The following LRRC7 variants were observed in gnomAD, a reference collection of about 807,000 sequenced individuals.
LRRC7 encodes leucine-rich repeat-containing protein 7.
LRRC7 carries 23 observed loss-of-function variants against 175.7 expected under a neutral mutation model. The observed-to-expected ratio is 0.13, with a 90% CI of 0.09 to 0.19. LRRC7 has a LOEUF of 0.19. Among genes scored for constraint, LRRC7 ranks in the 10% least tolerant of loss-of-function variants. LRRC7 has a pLI of 1.00. For synonymous variants in LRRC7, 685 were observed against 680.9 expected (o/e 1.01, Z -0.09); for missense variants, 1,354 against 1,904.7 (o/e 0.71, Z 5.38).
intron 7 of LRRC7, among the ~76,000 whole-genome samples, chr1:69,887,933 G>T: frequency 6.9e-6 from 1 of 144,070 alleles, no homozygotes; most frequent in Non-Finnish European, 1.5e-5. Flanking sequence ...GCTGCTCAGG[G>T]GTCAGGGGTC....
intron 1 of LRRC7, among the ~76,000 whole-genome samples, chr1:69,592,280 T>G (rs1162758480): frequency 6.6e-6 from 1 of 152,054 alleles, no homozygotes; most frequent in Non-Finnish European, 1.5e-5. Context: ...AATTAAATTT[T>G]TACGTAAAGT....
chr1:70,044,808 C>T (rs1660201575), intron 22 of LRRC7, among the ~76,000 whole-genome samples: 2 of 152,020 alleles, frequency 1.3e-5, no homozygotes, highest in South Asian at 2.1e-4. Context: ...ACATTTAGAT[C>T]GATTAATGCC....
intron 2 of LRRC7, among the ~76,000 whole-genome samples, chr1:69,680,470 G>A (rs79877034): frequency 0.013 from 1,928 of 152,240 alleles, 29 homozygotes; most frequent in African/African-American, 0.034. Context: ...CAATTGGATT[G>A]TGACGATCAG....
intron 23 of LRRC7, among the ~76,000 whole-genome samples, chr1:70,056,765 A>T (rs141128486): frequency 2.6e-5 from 4 of 152,342 alleles, no homozygotes; most frequent in Admixed American, 6.5e-5. Context: ...TTGTCTGATC[A>T]GTTGGCGTAG....
chr1:69,753,587 G>A (rs1670083843), intron 2 of LRRC7, among the ~76,000 whole-genome samples: 2 of 151,938 alleles, frequency 1.3e-5, no homozygotes, highest in Non-Finnish European at 2.9e-5. Flanking sequence ...GTGACAGATT[G>A]TAAATTGGTT....
intron 2 of LRRC7, among the ~76,000 whole-genome samples, chr1:69,717,806 G>T (rs1257515253): frequency 2.8e-4 from 6 of 21,712 alleles, no homozygotes; most frequent in African/African-American, 1.4e-3. Context: ...AAGAAAGAAA[G>T]AAAGAAAGAA....
rs757343427 is a variant in LRRC7, at chr1:69,788,587, C to G, written c.304-3456C>G. Among the ~76,000 whole-genome samples the G allele has an allele frequency of 1.5e-3, 228 of 152,316 alleles. 2 individuals are homozygous for G. The highest frequency in any genetic ancestry group is 3.4e-3 in the Middle Eastern group (1 of 294). On this transcript the variant is annotated intron_variant, in intron 3 of 26. Transcript: ENST00000651989. ...TTGTCAAGCAAATATCTGAAACTAG[C>G]TTGAGCTACGTATTCTTTGAGTTGA...
At chr1:70,073,976 A>G (rs1162667855) in intron 23 of LRRC7, among the ~76,000 whole-genome samples, 4 of 152,096 alleles carry the variant, frequency 2.6e-5, no homozygotes, top group Non-Finnish European at 5.9e-5. Context: ...TGAGGCCGGT[A>G]GATCACTTAA....
intron 1 of LRRC7, among the ~76,000 whole-genome samples, chr1:69,641,817 T>G (rs899625173): frequency 6.6e-6 from 1 of 151,832 alleles, no homozygotes; most frequent in African/African-American, 2.4e-5. Context: ...ATATAAAAAT[T>G]TTAAAAGTTA....
chr1:69,650,416 T>C (rs1436672166), intron 1 of LRRC7, among the ~76,000 whole-genome samples: 1 of 151,424 alleles, frequency 6.6e-6, no homozygotes, highest in African/African-American at 2.4e-5. Context: ...GGTGGGTGCC[T>C]GCAGTCCCAG....
rs1040267711 is a variant in LRRC7, at chr1:69,676,777, T to A, written c.3-1604T>A. ...TCCATTCTTGAAAACTGGTACTTTTTAAAAAATTTTCTTATTTCAATAGCT... is the reference window on the plus strand; with the variant it reads ...TCCATTCTTGAAAACTGGTACTTTTAAAAAAATTTTCTTATTTCAATAGCT... On this transcript the variant is annotated intron_variant, in intron 1 of 26. Transcript: ENST00000651989. Among the ~76,000 whole-genome samples the A allele has an allele frequency of 2.6e-5, 4 of 152,076 alleles. No homozygotes were observed. The East Asian group carries it at 5.8e-4, about 22-fold the overall frequency.
intron 4 of LRRC7, among the ~76,000 whole-genome samples, chr1:69,810,882 A>AATTG: frequency 6.6e-6 from 1 of 152,348 alleles, no homozygotes; most frequent in South Asian, 2.1e-4. Flanking sequence ...TCATGACTAA[A>AATTG]ACACCAAAAG....
chr1:69,798,364 T>C (rs1477200496), intron 4 of LRRC7, among the ~76,000 whole-genome samples: 1 of 152,142 alleles, frequency 6.6e-6, no homozygotes, highest in Non-Finnish European at 1.5e-5. Context: ...TCGTACTTAT[T>C]ATTCAAAACT....
chr1:70,030,331 T>C (rs1375975044), intron 18 of LRRC7, among the ~76,000 whole-genome samples: 1 of 152,222 alleles, frequency 6.6e-6, no homozygotes, highest in Non-Finnish European at 1.5e-5. Flanking sequence ...TTCCTAGCTT[T>C]CTTCTACTAG....
chr1:69,906,692 G>A (rs910546384), intron 7 of LRRC7, among the ~76,000 whole-genome samples: 49 of 152,136 alleles, frequency 3.2e-4, no homozygotes, highest in East Asian at 2.3e-3. Context: ...GTCAGGTAGC[G>A]TGATGCCTCC....
chr1:69,591,887 C>T (rs914382158), intron 1 of LRRC7, among the ~76,000 whole-genome samples: 2 of 152,056 alleles, frequency 1.3e-5, no homozygotes, highest in Non-Finnish European at 2.9e-5. Flanking sequence ...CAAAAACTCC[C>T]TCCCCCATAT....
At chr1:69,750,250 G>C (rs1394285339) in intron 2 of LRRC7, among the ~76,000 whole-genome samples, 3 of 151,808 alleles carry the variant, frequency 2.0e-5, no homozygotes, top group Admixed American at 6.6e-5. Context: ...GCAAGTTCTA[G>C]TGTTCAGTAG....
At chr1:69,580,204 T>G (rs1028552901) in intron 1 of LRRC7, among the ~76,000 whole-genome samples, 24 of 152,274 alleles carry the variant, frequency 1.6e-4, no homozygotes, top group African/African-American at 5.5e-4. Flanking sequence ...AAAGGGTAAG[T>G]GAAATCCTAT....
At chr1:69,722,077 C>T (rs973805271) in intron 2 of LRRC7, among the ~76,000 whole-genome samples, 1 of 151,858 alleles carries the variant, frequency 6.6e-6, no homozygotes, top group African/African-American at 2.4e-5. Context: ...AATTAACTGG[C>T]ATTATCAGCT....
Sources: gnomAD v4.1 joint callset for allele counts (sites outside exome capture counted in the v4.1 genomes callset) on GRCh38, gnomAD v4.1.1 for gene constraint, MANE v1.5 for transcripts, NCBI Gene and HGNC (gene_info 2026-07-23, HGNC 2026-07-21) for gene names.